MAF: variants seen among roughly 807,000 people sequenced by gnomAD.
MAF encodes transcription factor Maf.
In MAF, 10 loss-of-function variants were observed where a neutral mutation model predicts 22.0. The ratio of observed to expected loss-of-function variants is 0.45; its 90% confidence interval spans 0.28 to 0.77. The LOEUF (loss-of-function observed/expected upper bound fraction) is 0.77. MAF is among the 30% of genes least tolerant of loss of function. The pLI is 0.12. For synonymous variants in MAF, 337 were observed against 255.8 expected (o/e 1.32, Z -3.03); for missense variants, 544 against 548.4 (o/e 0.99, Z 0.08).
the MAF span, among the ~76,000 whole-genome samples, chr16:79,382,022 C>G: frequency 6.6e-6 from 1 of 152,322 alleles, no homozygotes; most frequent in African/African-American, 2.4e-5. Context: ...CGCTGCTTCT[C>G]TTTCCTTTCC....
chr16:79,498,063 G>C, the MAF span, among the ~76,000 whole-genome samples: 2 of 152,188 alleles, frequency 1.3e-5, no homozygotes, highest in African/African-American at 2.4e-5. Context: ...CTTGCACCCA[G>C]ATGAAATCAG....
chr16:79,427,866 C>T, the MAF span, among the ~76,000 whole-genome samples: 1 of 152,080 alleles, frequency 6.6e-6, no homozygotes, highest in Non-Finnish European at 1.5e-5. Context: ...TCTGTGCCTC[C>T]AGGACTTAGA....
At chr16:79,291,111 G>A in the MAF span, among the ~76,000 whole-genome samples, 1 of 152,210 alleles carries the variant, frequency 6.6e-6, no homozygotes, top group South Asian at 2.1e-4. Context: ...AGCCCTGCTT[G>A]TGGAAGCCCC....
chr16:79,399,552 T>C, the MAF span, among the ~76,000 whole-genome samples: 1 of 152,172 alleles, frequency 6.6e-6, no homozygotes, highest in Admixed American at 6.5e-5. Context: ...CCTTGGGTTG[T>C]TTTCCATTTT....
the MAF span, among the ~76,000 whole-genome samples, chr16:79,444,717 G>T: frequency 3.9e-5 from 6 of 152,190 alleles, no homozygotes; most frequent in Non-Finnish European, 8.8e-5. Context: ...CTGGGTGCAG[G>T]GCTCCATGGA....
At chr16:79,260,475 A>G in the MAF span, among the ~76,000 whole-genome samples, 1 of 149,714 alleles carries the variant, frequency 6.7e-6, no homozygotes, top group East Asian at 2.0e-4. Context: ...ATCTATATCT[A>G]TATCTATATC....
At chr16:79,591,097 C>A (rs1365889082), downstream of MAF, among the ~76,000 whole-genome samples, 1 of 152,142 alleles carries the variant, frequency 6.6e-6, no homozygotes, top group Admixed American at 6.5e-5. Flanking sequence ...CTATCCAGTT[C>A]TATAAGGTTT....
the MAF span, among the ~76,000 whole-genome samples, chr16:79,402,471 G>A: frequency 6.6e-6 from 1 of 152,182 alleles, no homozygotes; most frequent in African/African-American, 2.4e-5. Context: ...CACACTTCCA[G>A]GCCCAGGTGG....
At chr16:79,482,663 C>A in the MAF span, among the ~76,000 whole-genome samples, 165 of 152,222 alleles carry the variant, frequency 1.1e-3, no homozygotes, top group African/African-American at 3.8e-3. Context: ...ATGCTCACAG[C>A]GTGGCCCTGC....
the MAF span, among the ~76,000 whole-genome samples, chr16:79,378,512 T>G: frequency 1.3e-5 from 2 of 152,186 alleles, no homozygotes; most frequent in Non-Finnish European, 2.9e-5. Context: ...GACTTGAGCA[T>G]TTTTCTGTAT....
At chr16:79,496,397 G>A in the MAF span, among the ~76,000 whole-genome samples, 135 of 152,262 alleles carry the variant, frequency 8.9e-4, no homozygotes, top group African/African-American at 3.2e-3. Context: ...GCATTGACTA[G>A]CAAAATCAGC....
chr16:79,416,647 G>C, the MAF span, among the ~76,000 whole-genome samples: 5 of 152,312 alleles, frequency 3.3e-5, no homozygotes, highest in African/African-American at 1.2e-4. Flanking sequence ...ACGTGACTCA[G>C]ATATTGTTCC....
the MAF span, among the ~76,000 whole-genome samples, chr16:79,246,462 A>G: frequency 2.7e-5 from 4 of 146,154 alleles, no homozygotes; most frequent in Middle Eastern, 3.6e-3. Flanking sequence ...CCTCACATAG[A>G]CACCCATTAA....
At chr16:79,443,438 CTGGT>C in the MAF span, among the ~76,000 whole-genome samples, 1 of 152,168 alleles carries the variant, frequency 6.6e-6, no homozygotes, top group African/African-American at 2.4e-5. Flanking sequence ...TGGGGACAGT[CTGGT>C]TGGATGGCCC....
the MAF span, among the ~76,000 whole-genome samples, chr16:79,247,206 T>C: frequency 0.74 from 112,773 of 152,132 alleles, 42,837 homozygotes; most frequent in African/African-American, 0.83. Flanking sequence ...GTGTGAGAGC[T>C]CAGAGGCAAG....
the MAF span, among the ~76,000 whole-genome samples, chr16:79,397,482 T>C: frequency 6.6e-6 from 1 of 152,246 alleles, no homozygotes; most frequent in African/African-American, 2.4e-5. Context: ...ATGTTCTTTT[T>C]TAGAAATCAG....
chr16:79,327,848 A>T, the MAF span, among the ~76,000 whole-genome samples: 1 of 152,218 alleles, frequency 6.6e-6, no homozygotes, highest in South Asian at 2.1e-4. Flanking sequence ...CATTTGCAAT[A>T]ACATTCATTC....
chr16:79,421,306 C>G, the MAF span, among the ~76,000 whole-genome samples: 2 of 152,174 alleles, frequency 1.3e-5, no homozygotes, highest in Non-Finnish European at 2.9e-5. Context: ...TATAATGACA[C>G]GTATCCACTA....
chr16:79,238,856 C>T, the MAF span, among the ~76,000 whole-genome samples: 10 of 151,892 alleles, frequency 6.6e-5, no homozygotes, highest in Non-Finnish European at 1.0e-4. Flanking sequence ...AACTTGACCC[C>T]ACTCTACTTC....
Sources: gnomAD v4.1 joint callset for allele counts (sites outside exome capture counted in the v4.1 genomes callset) on GRCh38, gnomAD v4.1.1 for gene constraint, MANE v1.5 for transcripts, NCBI Gene and HGNC (gene_info 2026-07-23, HGNC 2026-07-21) for gene names.